Variants in CDKAL1 observed in about 807,000 individuals in gnomAD.
CDKAL1 encodes threonylcarbamoyladenosine tRNA methylthiotransferase.
CDKAL1 carries 32 observed loss-of-function variants against 68.2 expected under a neutral mutation model. The ratio of observed to expected loss-of-function variants is 0.47; its 90% CI spans 0.35 to 0.63. The LOEUF is 0.63. CDKAL1 is among the 30% of genes least tolerant of loss of function. The pLI is 0.00. For synonymous variants in CDKAL1, 234 were observed against 244.3 expected, an observed-to-expected ratio of 0.96 and a Z score of 0.39; for missense variants, 606 against 696.7, an observed-to-expected ratio of 0.87 and a Z score of 1.47.
At chr6:20,578,332 C>T (rs1355537528) in intron 4 of CDKAL1, among the ~76,000 whole-genome samples, 1 of 152,050 alleles carries the variant, frequency 6.6e-6, no homozygotes, top group Non-Finnish European at 1.5e-5. Context: ...TACCTCTCTC[C>T]CATCAACCCT....
At chr6:20,713,740 T>C (rs1329940125) in intron 5 of CDKAL1, among the ~76,000 whole-genome samples, 3 of 152,150 alleles carry the variant, frequency 2.0e-5, no homozygotes, top group Admixed American at 1.3e-4. Context: ...TCAAGAAATA[T>C]AATACTTAAC....
rs1779996679 is a variant in CDKAL1 at position 21,232,011 on chromosome 6, T to TTTTG, written c.*975_*976insGTTT. On this transcript the variant is annotated 3_prime_UTR_variant, in exon 16 of 16. Coordinates refer to ENST00000274695, the MANE Select transcript of CDKAL1 (RefSeq NM_017774.3). ...ATTGGGGTTTTTTTTTTGTTTTTGT[T>TTTTG]TTTTTTTTTTTTTGAGTCAAGGTCT... is the stretch of plus-strand genomic sequence containing the variant. 6.9e-6 allele frequency: 1 copy of TTTTG among 144,388 alleles called. No individual in the cohort carries two copies. The highest frequency in any genetic ancestry group is 2.6e-5 in the African/African-American group (1 of 39,060). The allele number at this position is 144,388 out of a possible 1,614,324, so 8.9% of individuals were successfully genotyped here. A position where few individuals can be genotyped will look rare whatever the true frequency, so the allele number is the denominator to read the frequency against.
intron 13 of CDKAL1, among the ~76,000 whole-genome samples, chr6:21,195,750 T>C: frequency 6.6e-6 from 1 of 151,858 alleles, no homozygotes; most frequent in East Asian, 1.9e-4. Context: ...ACTCAAGTGA[T>C]CTGCCCACCT....
chr6:21,177,069 A>G (rs1225236792), intron 13 of CDKAL1, among the ~76,000 whole-genome samples: 1 of 152,234 alleles, frequency 6.6e-6, no homozygotes, highest in Non-Finnish European at 1.5e-5. Context: ...TTAAAAATCC[A>G]CAACTCTGCT....
chr6:20,676,070 GATAAA>G (rs1161827162), intron 5 of CDKAL1, among the ~76,000 whole-genome samples: 11 of 152,064 alleles, frequency 7.2e-5, no homozygotes, highest in South Asian at 6.2e-4. Flanking sequence ...ATGGAATAAA[GATAAA>G]ATAAAATATT....
intron 13 of CDKAL1, among the ~76,000 whole-genome samples, chr6:21,182,203 T>A (rs550511366): frequency 1.3e-5 from 2 of 152,244 alleles, no homozygotes; most frequent in African/African-American, 2.4e-5. Flanking sequence ...ACAGCTATTC[T>A]AAGGCCTTCA....
chr6:21,033,165 G>T (rs1457734316), intron 11 of CDKAL1, among the ~76,000 whole-genome samples: 1 of 152,046 alleles, frequency 6.6e-6, no homozygotes, highest in East Asian at 1.9e-4. Context: ...GATTTTTGAG[G>T]GACTTAGAAG....
chr6:21,067,638 T>G (rs1771531270), intron 12 of CDKAL1, among the ~76,000 whole-genome samples: 2 of 152,148 alleles, frequency 1.3e-5, no homozygotes, highest in Non-Finnish European at 1.5e-5. Context: ...ATATTAGTAT[T>G]GCAGCAAATA....
chr6:21,206,222 T>G (rs573327301), intron 15 of CDKAL1, among the ~76,000 whole-genome samples: 5 of 152,186 alleles, frequency 3.3e-5, no homozygotes, highest in Non-Finnish European at 7.3e-5. Context: ...CACCAGTTTC[T>G]TTTTGTATAC....
At chr6:20,753,957 A>ATGTGTGTGTGTGTGTGTG (rs112105313) in intron 6 of CDKAL1, among the ~76,000 whole-genome samples, 31 of 147,806 alleles carry the variant, frequency 2.1e-4, no homozygotes, top group East Asian at 4.0e-4. Flanking sequence ...TATTATCTGT[A>ATGTGTGTGTGTGTGTGTG]TGTGTGTGTG....
intron 5 of CDKAL1, among the ~76,000 whole-genome samples, chr6:20,712,930 A>C (rs1226093375): frequency 6.6e-6 from 1 of 152,194 alleles, no homozygotes; most frequent in Non-Finnish European, 1.5e-5. Flanking sequence ...CTGAGCCATC[A>C]TGCCTGGCCT....
At chr6:21,098,490 A>G (rs1363061979) in intron 12 of CDKAL1, among the ~76,000 whole-genome samples, 3 of 151,344 alleles carry the variant, frequency 2.0e-5, no homozygotes, top group Admixed American at 6.6e-5. Flanking sequence ...AGAAGTTTCA[A>G]TGAAGGTAAA....
rs932300230 is a variant in CDKAL1, at chr6:20,962,725, C to T, written c.909+7140C>T. On this transcript the variant is annotated intron_variant, in intron 10 of 15. Transcript: ENST00000274695. ...ATAGAATAATATGTAAATATATTCT[C>T]TACTGTTGTATACAAAATATTTTTC... Among the ~76,000 whole-genome samples, 10 of 152,246 alleles carry T rather than the reference C, an allele frequency of 6.6e-5. 1 individual carries two copies. The highest frequency in any genetic ancestry group is 2.0e-4 in the Admixed American group (3 of 15,304).
At chr6:20,694,052 G>GTGTGTATA (rs1316926881) in intron 5 of CDKAL1, among the ~76,000 whole-genome samples, 271 of 91,380 alleles carry the variant, frequency 3.0e-3, no homozygotes, top group African/African-American at 0.013. Context: ...TTGTGTGTGT[G>GTGTGTATA]TGTGTGTGTA....
chr6:21,205,540 G>GGT (rs1562115798), intron 15 of CDKAL1, among the ~76,000 whole-genome samples: 1 of 151,152 alleles, frequency 6.6e-6, no homozygotes, highest in Non-Finnish European at 1.5e-5. Context: ...GTTTTGTTTT[G>GGT]TTTTTTTTGA....
At chr6:20,785,106 C>T (rs1775613607) in intron 8 of CDKAL1, among the ~76,000 whole-genome samples, 1 of 151,550 alleles carries the variant, frequency 6.6e-6, no homozygotes, top group Non-Finnish European at 1.5e-5. Context: ...GAGTGTTGAT[C>T]CTCGGTACAT....
At chr6:20,708,100 A>G (rs1043105255) in intron 5 of CDKAL1, among the ~76,000 whole-genome samples, 3 of 152,194 alleles carry the variant, frequency 2.0e-5, no homozygotes, top group African/African-American at 7.2e-5. Flanking sequence ...CTTATGACTT[A>G]TCTTGGTAAC....
chr6:21,084,457 G>A (rs1772587224), intron 12 of CDKAL1, among the ~76,000 whole-genome samples: 1 of 152,126 alleles, frequency 6.6e-6, no homozygotes, highest in Non-Finnish European at 1.5e-5. Context: ...GGTAAATTCA[G>A]TTGATGAATT....
chr6:20,717,674 C>T (rs1772161227), intron 5 of CDKAL1, among the ~76,000 whole-genome samples: 2 of 152,126 alleles, frequency 1.3e-5, no homozygotes, highest in Non-Finnish European at 2.9e-5. Flanking sequence ...GTATTCTTCA[C>T]TTAGCTGTTG....
Sources: allele counts gnomAD v4.1 joint callset (sites outside exome capture counted in the v4.1 genomes callset), GRCh38; gene constraint gnomAD v4.1.1; transcripts MANE v1.5; gene names NCBI Gene and HGNC (gene_info 2026-07-23, HGNC 2026-07-21).